The following CAPN2 variants were observed in gnomAD, a reference collection of about 807,000 sequenced individuals.
CAPN2 encodes the protein calpain 2, also known as calpain-2 catalytic subunit.
CAPN2 carries 92 observed loss-of-function variants against 102.3 expected under a neutral mutation model. That is an observed-to-expected ratio of 0.90 (90% CI 0.76 to 1.07). CAPN2 has a LOEUF of 1.07. Among genes scored for constraint, CAPN2 ranks in the 50% least tolerant of loss-of-function variants. The pLI is 0.00. For synonymous variants in CAPN2, 340 were observed against 355.4 expected, an observed-to-expected ratio of 0.96 and a Z score of 0.49; for missense variants, 800 against 909.4, an observed-to-expected ratio of 0.88 and a Z score of 1.55.
intron 9 of CAPN2, among the ~76,000 whole-genome samples, chr1:223,753,576 T>G (rs1000150250): frequency 6.6e-6 from 1 of 152,232 alleles, no homozygotes; most frequent in Non-Finnish European, 1.5e-5. Context: ...GGGCACACCT[T>G]CAGTGCTTGG....
chr1:223,737,058 A>T (rs529472403), intron 2 of CAPN2, among the ~76,000 whole-genome samples: 1 of 152,076 alleles, frequency 6.6e-6, no homozygotes, highest in African/African-American at 2.4e-5. Flanking sequence ...TAAAAATAAG[A>T]ATAAAGAAAT....
intron 2 of CAPN2, among the ~76,000 whole-genome samples, chr1:223,741,498 A>G (rs1035485899): frequency 6.7e-6 from 1 of 148,340 alleles, no homozygotes; most frequent in African/African-American, 2.5e-5. Flanking sequence ...CTTGTTGCCC[A>G]GGCTGGAATG....
chr1:223,741,459 TA>T (rs1297778943), intron 2 of CAPN2, among the ~76,000 whole-genome samples: 4 of 141,792 alleles, frequency 2.8e-5, no homozygotes, highest in South Asian at 2.1e-4. Context: ...TATATATATA[TA>T]TATATATATT....
In CAPN2 at chr1:223,742,530, T is replaced by A. The variant is rs1359475423; in HGVS notation, c.308-1570T>A. 3.9e-3 allele frequency among the ~76,000 whole-genome samples: 524 copies of A among 134,494 alleles called. 1 individual carries two copies. The highest frequency in any genetic ancestry group is 0.014 in the African/African-American group (487 of 34,040). 88.2% of individuals were successfully genotyped at this position (134,494 alleles called of 152,430 possible). A position where few individuals can be genotyped will look rare whatever the true frequency, so the allele number is the denominator to read the frequency against. ...TATATATATATATATTTTTTTTTTT[T>A]TTTTTGAGACAGGGTCTTGCTCTTC... On this transcript the variant is annotated intron_variant, in intron 2 of 20. Coordinates refer to ENST00000295006, the MANE Select transcript of CAPN2 (RefSeq NM_001748.5).
chr1:223,739,048 G>A (rs1463297574), intron 2 of CAPN2, among the ~76,000 whole-genome samples: 1 of 152,116 alleles, frequency 6.6e-6, no homozygotes, highest in Non-Finnish European at 1.5e-5. Flanking sequence ...AGAGGCAGCT[G>A]GAATGTATCG....
At chr1:223,757,156 AAGTT>A (rs1661056152) in intron 10 of CAPN2, among the ~76,000 whole-genome samples, 2 of 152,168 alleles carry the variant, frequency 1.3e-5, no homozygotes. Context: ...TTTATACTCT[AAGTT>A]AGGAAGGGAG....
In CAPN2 at chr1:223,759,372, C is replaced by T. The variant is rs770816924; in HGVS notation, c.1420C>T (p.Arg474Cys). The change falls in exon 12 of 21, where the codon CGC becomes TGC. Residue 474 changes from arginine to cysteine, a missense_variant. Coordinates refer to ENST00000295006, the MANE Select transcript of CAPN2 (RefSeq NM_001748.5). This position sits in a 1 kb window ranked among gnomAD's most constrained non-coding sequence, Gnocchi z 4.6. ...CATCAACCTCCGGGAGGTGCTCAAC[C>T]GCTTCAAGCTGCCGCCAGGAGAGTA... The part of the protein sequence containing the change: ...TFINLREVLN[R>C]FKLPPGEYIL... The T allele has an allele frequency of 2.8e-5, 45 of 1,614,092 alleles. No individual in the cohort carries two copies. The highest frequency in any genetic ancestry group is 4.4e-5 in the South Asian group (4 of 91,088).
intron 3 of CAPN2, among the ~76,000 whole-genome samples, chr1:223,744,561 A>G (rs1010318790): frequency 2.6e-5 from 4 of 152,190 alleles, no homozygotes; most frequent in African/African-American, 9.6e-5. Context: ...TAAATGAGAA[A>G]TAATACTTGA....
chr1:223,758,511 G>A (rs1039705899), intron 11 of CAPN2: 3 of 152,264 alleles, frequency 2.0e-5, no homozygotes, highest in African/African-American at 4.8e-5. Flanking sequence ...ACGTAGAACC[G>A]AGCCAGGTTC....
At chr1:223,715,262 G>C (rs1659846986) in intron 1 of CAPN2, among the ~76,000 whole-genome samples, 1 of 152,190 alleles carries the variant, frequency 6.6e-6, no homozygotes, top group Non-Finnish European at 1.5e-5. Context: ...GTAGACTCCA[G>C]AGTAAAGGAA....
chr1:223,721,510 CCCAAGGCTG>C (rs1351692747), intron 2 of CAPN2, among the ~76,000 whole-genome samples: 2 of 152,316 alleles, frequency 1.3e-5, no homozygotes, highest in African/African-American at 4.8e-5. Flanking sequence ...TGGGGTAGAG[CCCAAGGCTG>C]CCAAGGCTGT....
rs28370064 is a variant in CAPN2 at position 223,748,911 on chromosome 1, C to G, written c.730-128C>G. On this transcript the variant is annotated intron_variant, in intron 5 of 20. Transcript: ENST00000295006. ...CAAGAAAGCGCAGCCCTGAGCCTCC[C>G]ACCCCAGGCCTCGGCCGCTGCGCTA... 6,985 of 800,058 alleles carry G rather than the reference C, an allele frequency of 8.7e-3. 336 individuals carry two copies. The African/African-American group carries it at 0.1, about 12-fold the overall frequency. The allele number at this position is 800,058 out of a possible 1,614,324, so 49.6% of individuals were successfully genotyped here.
chr1:223,770,374 A>G, intron 17 of CAPN2, 73 bp from the exon 18 acceptor site: 2 of 968,798 alleles, frequency 2.1e-6, no homozygotes, highest in South Asian at 2.7e-5. Flanking sequence ...ATCCCCACTC[A>G]GCACATACTA....
upstream of CAPN2, among the ~76,000 whole-genome samples, chr1:223,707,842 A>T (rs183945987): frequency 2.6e-4 from 39 of 152,292 alleles, 1 homozygote; most frequent in Non-Finnish European, 4.6e-4. Flanking sequence ...TGCTAAAATG[A>T]CTTAGGAGGG....
At position 223,736,410 on chromosome 1, in the gene CAPN2, G is replaced by C. The variant is rs116391997; in HGVS notation, c.308-7690G>C. 4.0e-3 allele frequency among the ~76,000 whole-genome samples: 616 copies of C among 152,368 alleles called. 3 individuals are homozygous for C. Among genetic ancestry groups the C allele is most frequent in the African/African-American group, 0.014 (593 of 41,592 alleles). The stretch of plus-strand genomic sequence containing the variant: ...GGAAGGTGACAGAATCAAGCGGTAA[G>C]GTCAGTGCTTTGAGGGAGCAGGCAA... On this transcript the variant is annotated intron_variant, in intron 2 of 20. Transcript: ENST00000295006.
At chr1:223,728,143 C>T (rs1362330140) in intron 2 of CAPN2, among the ~76,000 whole-genome samples, 1 of 152,098 alleles carries the variant, frequency 6.6e-6, no homozygotes, top group Non-Finnish European at 1.5e-5. Flanking sequence ...TGTAACAATC[C>T]ACCCCAAAAC....
intron 1 of CAPN2, among the ~76,000 whole-genome samples, chr1:223,706,549 G>A (rs1320843730): frequency 6.6e-6 from 1 of 152,070 alleles, no homozygotes; most frequent in African/African-American, 2.4e-5. Context: ...ACTGGGTATG[G>A]ACAGACCCCA....
chr1:223,725,890 A>G lies in CAPN2; in HGVS notation c.307+8059A>G, dbSNP rs894933805. Among the ~76,000 whole-genome samples the G allele has an allele frequency of 6.6e-6, 1 of 152,188 alleles. No individual in the cohort carries two copies. Among genetic ancestry groups the G allele is most frequent in the East Asian group, 1.9e-4 (1 of 5,200 alleles). ...ACTCACCCATCTGCGAAATGGGAACAATGACGATGTTTGCGTCCTTTCTTT... is the reference window on the plus strand; with the variant it reads ...ACTCACCCATCTGCGAAATGGGAACGATGACGATGTTTGCGTCCTTTCTTT... On this transcript the variant is annotated intron_variant, in intron 2 of 20. Transcript: ENST00000295006. The surrounding 1 kb of genome is among the most constrained non-coding windows in gnomAD (Gnocchi z 4.1).
At position 223,756,623 on chromosome 1, in the gene CAPN2, G is replaced by C. The variant is rs774088115; in HGVS notation, c.1306-746G>C. Among the ~76,000 whole-genome samples the C allele has an allele frequency of 5.9e-5, 9 of 152,174 alleles. No individual in the cohort carries two copies. Among genetic ancestry groups the C allele is most frequent in the Non-Finnish European group, 1.3e-4 (9 of 68,042 alleles). On this transcript the variant is annotated intron_variant, in intron 10 of 20. Coordinates refer to ENST00000295006, the MANE Select transcript of CAPN2 (RefSeq NM_001748.5). This position sits in a 1 kb window ranked among gnomAD's most constrained non-coding sequence, Gnocchi z 4.1. ...ACGAGGTGTCAGGAGAGGAGGCTCT[G>C]TGCTCACCACTGGCAACGTTGCCAC...
Sources: gnomAD v4.1 joint callset for allele counts (sites outside exome capture counted in the v4.1 genomes callset) on GRCh38, gnomAD v4.1.1 for gene constraint, Gnocchi (gnomAD v3.1) non-coding constraint, MANE v1.5 for transcripts, NCBI Gene and HGNC (gene_info 2026-07-23, HGNC 2026-07-21) for gene names.